GDI2: variants seen among roughly 807,000 people sequenced by gnomAD.
GDI2 encodes rab GDP dissociation inhibitor beta.
GDI2 carries 22 observed loss-of-function variants against 54.2 expected under a neutral mutation model. That is an observed-to-expected ratio of 0.41 (90% CI 0.29 to 0.58). The LOEUF is 0.58. Ranked by LOEUF, GDI2 falls within the 20% of genes least tolerant of loss-of-function variation. The pLI, the probability that GDI2 is intolerant of heterozygous loss-of-function variation, is 0.35. For missense variants in GDI2, 422 were observed against 546.0 expected, an observed-to-expected ratio of 0.77 and a Z score of 2.26; for synonymous variants, 177 against 182.1, an observed-to-expected ratio of 0.97 and a Z score of 0.23.
At position 5,768,363 on chromosome 10, in the gene GDI2, TG is replaced by T. The variant is rs1840407298; in HGVS notation, c.840del (p.Ile281SerfsTer7). ...TCTTTTACGTAGCTGGGGTCACAGA[TG>T]AGCTGCTTACAGCGAGCAATCTATA... is the stretch of plus-strand genomic sequence containing the variant. ...SEGEIARCKQ[L>X]ICDPSYVKDR... is the part of the protein sequence containing the mutation. On this transcript the variant is annotated frameshift_variant, in exon 8 of 11. Transcript: ENST00000380191. LOFTEE classifies it high-confidence loss of function. The surrounding 1 kb of genome is among the most constrained non-coding windows in gnomAD (Gnocchi z 4.4). The T allele has an allele frequency of 6.2e-7, 1 of 1,613,058 alleles. No homozygotes were observed. Among genetic ancestry groups the T allele is most frequent in the Non-Finnish European group, 8.5e-7 (1 of 1,179,070 alleles).
chr10:5,767,165 T>C (rs1021850851), intron 8 of GDI2, among the ~76,000 whole-genome samples: 3 of 151,614 alleles, frequency 2.0e-5, no homozygotes, highest in African/African-American at 7.3e-5. Context: ...GGATAGAAAA[T>C]CATTTGGATA....
intron 3 of GDI2, 133 bp downstream of exon 3, chr10:5,796,630 T>C (rs1441302152): frequency 3.4e-6 from 2 of 595,066 alleles, no homozygotes; most frequent in East Asian, 2.8e-5. Flanking sequence ...TAATGGACCA[T>C]GTTACTCACC....
chr10:5,773,174 G>A (rs1042362170), intron 7 of GDI2, among the ~76,000 whole-genome samples: 1 of 151,942 alleles, frequency 6.6e-6, no homozygotes, highest in Non-Finnish European at 1.5e-5. Context: ...CACCACCCAG[G>A]AGGTTGCTAC....
rs146821199 is a variant in GDI2, at chr10:5,803,165, A to G, written c.46-2460T>C. 5.9e-5 allele frequency among the ~76,000 whole-genome samples: 9 copies of G among 152,318 alleles called. No homozygotes were observed. In the East Asian group the frequency reaches 1.5e-3, roughly 26 times the overall value. Reference sequence around the variant, plus strand: ...CGTGAAATATTGATAGTCTTCTCACAATTTTGTTTTAGAAAATATACTCAG... The same window carrying G: ...CGTGAAATATTGATAGTCTTCTCACGATTTTGTTTTAGAAAATATACTCAG... On this transcript the variant is annotated intron_variant, in intron 1 of 10. Transcript: ENST00000380191.
chr10:5,813,046 C>T (rs1445907938), intron 1 of GDI2, among the ~76,000 whole-genome samples, 168 bp downstream of exon 1: 1 of 152,140 alleles, frequency 6.6e-6, no homozygotes, highest in East Asian at 1.9e-4. Context: ...CCCCGGGACG[C>T]GGGGCGCCCC....
At chr10:5,787,568 T>C (rs772018994) in intron 4 of GDI2, among the ~76,000 whole-genome samples, 1 of 152,074 alleles carries the variant, frequency 6.6e-6, no homozygotes, top group African/African-American at 2.4e-5. Flanking sequence ...TTTTTTAAAA[T>C]TAAGATTTAC....
intron 2 of GDI2, among the ~76,000 whole-genome samples, chr10:5,799,737 G>A (rs1357608328): frequency 6.6e-6 from 1 of 152,232 alleles, no homozygotes; most frequent in African/African-American, 2.4e-5. Flanking sequence ...TGGGAAATTT[G>A]AATATGGTTC....
At chr10:5,769,322 AGCACTTCGGGAG>A (rs937454516) in intron 7 of GDI2, 9 of 152,274 alleles carry the variant, frequency 5.9e-5, no homozygotes, top group African/African-American at 2.2e-4. Context: ...CTGTAATCCC[AGCACTTCGGGAG>A]GCCAAGACAG....
rs762250108 is a variant in GDI2 at position 5,786,092 on chromosome 10, G to C, written c.389-42C>G. On this transcript the variant is annotated intron_variant, in intron 4 of 10. Coordinates refer to ENST00000380191, the MANE Select transcript of GDI2 (RefSeq NM_001494.4). ...TTTTCAAAAAGCACACTCACAATCA[G>C]ACATTGAGGAGAACGAAGTATGAGA... is the stretch of plus-strand genomic sequence containing the variant. 3.9e-6 allele frequency: 5 copies of C among 1,292,866 alleles called. No homozygotes were observed. In the African/African-American group the frequency reaches 7.4e-5, roughly 19 times the overall value. 80.1% of individuals were successfully genotyped at this position (1,292,866 alleles called of 1,614,324 possible). A position where few individuals can be genotyped will look rare whatever the true frequency, so the allele number is the denominator to read the frequency against.
chr10:5,813,414 T>A lies in GDI2; in HGVS notation c.-156A>T, dbSNP rs1345193325. On this transcript the variant is annotated 5_prime_UTR_variant, in exon 1 of 11. Transcript: ENST00000380191. ...CGACAAGGCGAGACCGACCGCCACC[T>A]CAGACGGGAAGAGAAGAACTGGGCG... 2.8e-5 allele frequency: 10 copies of A among 356,708 alleles called. No individual in the cohort carries two copies. Among genetic ancestry groups the A allele is most frequent in the Non-Finnish European group, 5.3e-5 (10 of 189,904 alleles). The allele number at this position is 356,708 out of a possible 1,614,324, so 22.1% of individuals were successfully genotyped here.
chr10:5,793,879 C>G (rs1243986726), intron 4 of GDI2, among the ~76,000 whole-genome samples: 1 of 151,852 alleles, frequency 6.6e-6, no homozygotes, highest in East Asian at 1.9e-4. Flanking sequence ...AAGATCACTC[C>G]AAGGCTGGGC....
At position 5,768,346 on chromosome 10, in the gene GDI2, G is replaced by A. The variant is rs750173978; in HGVS notation, c.858C>T (p.Tyr286=). 100 of 1,613,220 alleles carry A rather than the reference G, an allele frequency of 6.2e-5. No homozygotes were observed. Among genetic ancestry groups the A allele is most frequent in the Middle Eastern group, 3.3e-4 (2 of 6,082 alleles). ...RCKQLICDPS[Y]VKDRVEKVGQ... ...CCACTTTTTCTACCCGATCTTTTAC[G>A]TAGCTGGGGTCACAGATGAGCTGCT... The change falls in exon 8 of 11, where the codon TAC becomes TAT. Residue 286 remains tyrosine, a synonymous_variant. Transcript: ENST00000380191. The surrounding 1 kb of genome is among the most constrained non-coding windows in gnomAD (Gnocchi z 4.4).
intron 4 of GDI2, among the ~76,000 whole-genome samples, chr10:5,787,685 G>T (rs1033758607): frequency 4.6e-5 from 7 of 152,252 alleles, no homozygotes; most frequent in Admixed American, 1.3e-4. Context: ...AAGTGTAGTT[G>T]TAAGAGCTGG....
chr10:5,777,388 G>A (rs542491648), intron 6 of GDI2, among the ~76,000 whole-genome samples: 4 of 152,266 alleles, frequency 2.6e-5, no homozygotes, highest in African/African-American at 4.8e-5. Flanking sequence ...TGAGAGAATC[G>A]CTTGAACCCA....
chr10:5,782,081 A>G (rs777962930), intron 6 of GDI2, among the ~76,000 whole-genome samples: 49 of 152,238 alleles, frequency 3.2e-4, no homozygotes, highest in Admixed American at 1.3e-4. Flanking sequence ...TTCTTAATAC[A>G]TATATGACAA....
rs898935819 is a variant in GDI2 at position 5,774,181 on chromosome 10, G to A, written c.720-240C>T. Among the ~76,000 whole-genome samples, 1 of 151,908 alleles carries A rather than the reference G, an allele frequency of 6.6e-6. No homozygotes were observed. The highest frequency in any genetic ancestry group is 2.4e-5 in the African/African-American group (1 of 41,348). On this transcript the variant is annotated intron_variant, in intron 6 of 10. Coordinates refer to ENST00000380191, the MANE Select transcript of GDI2 (RefSeq NM_001494.4). The surrounding 1 kb of genome is among the most constrained non-coding windows in gnomAD (Gnocchi z 4.8). Reference sequence around the variant, plus strand: ...CACTTGTCTTTCGAGCTGCCCACTCGGCCCTCCTCCAAGTGTACTTTCTTT... The same window carrying A: ...CACTTGTCTTTCGAGCTGCCCACTCAGCCCTCCTCCAAGTGTACTTTCTTT...
chr10:5,801,456 C>G lies in GDI2; in HGVS notation c.46-751G>C, dbSNP rs553596301. On this transcript the variant is annotated intron_variant, in intron 1 of 10. Transcript: ENST00000380191. ...CTTTGGGAAGCCAGGGGAGGTGGATCACCTGAGGTCAGAAGAGCAAGACCA... is the reference window on the plus strand; with the variant it reads ...CTTTGGGAAGCCAGGGGAGGTGGATGACCTGAGGTCAGAAGAGCAAGACCA... Among the ~76,000 whole-genome samples the G allele has an allele frequency of 1.4e-3, 212 of 151,876 alleles. 1 individual carries two copies. The highest frequency in any genetic ancestry group is 4.9e-3 in the African/African-American group (204 of 41,460).
intron 6 of GDI2, among the ~76,000 whole-genome samples, chr10:5,782,007 T>C (rs1160912178): frequency 3.9e-5 from 6 of 152,024 alleles, no homozygotes; most frequent in Non-Finnish European, 8.8e-5. Context: ...AGCAAGACTC[T>C]ATCTCAAAAA....
chr10:5,776,306 A>T lies in GDI2; in HGVS notation c.720-2365T>A. 1 of 592,600 alleles carries T rather than the reference A, an allele frequency of 1.7e-6. No individual in the cohort carries two copies. The allele number at this position is 592,600 out of a possible 1,614,324, so 36.7% of individuals were successfully genotyped here. On this transcript the variant is annotated intron_variant, in intron 6 of 10. Coordinates refer to ENST00000380191, the MANE Select transcript of GDI2 (RefSeq NM_001494.4). This position sits in a 1 kb window ranked among gnomAD's most constrained non-coding sequence, Gnocchi z 5.3. Reference sequence around the variant, plus strand: ...AAAGACTGAAAGCCCAGCAGAACATAGGATGTAGCTGCCCATCTCACAAAC... The same window carrying T: ...AAAGACTGAAAGCCCAGCAGAACATTGGATGTAGCTGCCCATCTCACAAAC...
Sources: gnomAD v4.1 joint callset for allele counts (sites outside exome capture counted in the v4.1 genomes callset) on GRCh38, gnomAD v4.1.1 for gene constraint, Gnocchi (gnomAD v3.1) non-coding constraint, MANE v1.5 for transcripts, NCBI Gene and HGNC (gene_info 2026-07-23, HGNC 2026-07-21) for gene names.